POLA1: variants seen among roughly 807,000 people sequenced by gnomAD.
POLA1 encodes DNA polymerase alpha 1, catalytic subunit.
POLA1 carries 15 observed loss-of-function variants against 124.0 expected under a neutral mutation model. That is an observed-to-expected ratio of 0.12 (90% CI 0.08 to 0.19). The LOEUF is 0.19. Ranked by LOEUF, POLA1 falls within the 10% of genes least tolerant of loss-of-function variation. POLA1 has a pLI of 1.00. For synonymous variants in POLA1, 408 were observed against 389.4 expected (o/e 1.05, Z -0.56); for missense variants, 886 against 1,103.4 (o/e 0.80, Z 2.79).
chrX:24,867,977 C>A (rs2046816490), intron 34 of POLA1, among the ~76,000 whole-genome samples: 1 of 111,847 alleles, frequency 8.9e-6, no homozygotes, highest in Admixed American at 9.4e-5. Context: ...GTGTAAAAAT[C>A]TGCCCTGGAT....
At chrX:24,796,170 C>T (rs1174007562) in intron 26 of POLA1, among the ~76,000 whole-genome samples, 3 of 110,828 alleles carry the variant, frequency 2.7e-5, no homozygotes, top group African/African-American at 9.9e-5. Flanking sequence ...GATTGGTGTT[C>T]AGTCTCCCTG....
chrX:24,858,196 A>G (rs184180483), intron 34 of POLA1, among the ~76,000 whole-genome samples: 2 of 112,193 alleles, frequency 1.8e-5, no homozygotes, highest in Non-Finnish European at 3.8e-5. Context: ...CTTCAGATTT[A>G]TTGCTGACTC....
intron 32 of POLA1, among the ~76,000 whole-genome samples, chrX:24,839,816 A>G (rs1398619572): frequency 8.9e-6 from 1 of 112,325 alleles, no homozygotes; most frequent in Non-Finnish European, 1.9e-5. Context: ...CTGCTTTCTC[A>G]TAATTGCAAA....
chrX:24,833,535 C>G (rs1383919102), intron 32 of POLA1, among the ~76,000 whole-genome samples: 1 of 111,330 alleles, frequency 9.0e-6, no homozygotes, highest in African/African-American at 3.3e-5. Context: ...AAAGTGTTCC[C>G]TTTTTACCAC....
chrX:24,842,006 T>A, intron 33 of POLA1, 176 bp downstream of exon 33: 4 of 385,597 alleles, frequency 1.0e-5, no homozygotes, highest in Non-Finnish European at 1.8e-5. Context: ...TATTTCTGTT[T>A]GAAAACTCTT....
At chrX:24,877,158 G>T (rs2046945735) in intron 34 of POLA1, among the ~76,000 whole-genome samples, 1 of 111,857 alleles carries the variant, frequency 8.9e-6, no homozygotes, top group African/African-American at 3.2e-5. Flanking sequence ...GGGTTTGGGG[G>T]AGGGGGTGAG....
chrX:24,770,881 G>A (rs1004887600), intron 26 of POLA1, among the ~76,000 whole-genome samples: 1 of 110,783 alleles, frequency 9.0e-6, no homozygotes, highest in Non-Finnish European at 1.9e-5. Flanking sequence ...GATTTTTGGG[G>A]GGCAGGAACT....
At chrX:24,846,346 T>C (rs1488533866) in intron 34 of POLA1, among the ~76,000 whole-genome samples, 2 of 111,509 alleles carry the variant, frequency 1.8e-5, no homozygotes, top group Non-Finnish European at 3.8e-5. Context: ...GCCAGGATAT[T>C]TTAAGTAATA....
At chrX:24,812,152 G>A (rs2045912591) in intron 28 of POLA1, among the ~76,000 whole-genome samples, 1 of 112,523 alleles carries the variant, frequency 8.9e-6, no homozygotes, top group Non-Finnish European at 1.9e-5. Flanking sequence ...AGAAAGAGCA[G>A]AGGACTCTTT....
intron 34 of POLA1, among the ~76,000 whole-genome samples, chrX:24,858,044 A>ATTT (rs2046670411): frequency 1.8e-5 from 2 of 112,315 alleles, no homozygotes; most frequent in Admixed American, 1.9e-4. Context: ...TTGTGTACTT[A>ATTT]TAAATAAGAA....
At chrX:24,953,189 C>T (rs2048068225) in intron 36 of POLA1, among the ~76,000 whole-genome samples, 1 of 112,010 alleles carries the variant, frequency 8.9e-6, no homozygotes, top group Admixed American at 9.5e-5. Context: ...TAGCCCCTCC[C>T]GCCCTTCCTC....
At position 24,860,788 on chromosome X, in the gene POLA1, A is replaced by G. The variant is rs181620353; in HGVS notation, c.4047+17111A>G. Among the ~76,000 whole-genome samples, 3 of 112,179 alleles carry G rather than the reference A, an allele frequency of 2.7e-5. No individual in the cohort carries two copies. The East Asian group carries it at 8.4e-4, about 32-fold the overall frequency. Reference sequence around the variant, plus strand: ...GATAGAGTGAAATATAATTTGCAACACTTGGAACCTTGTAAAAGACAACCA... The same window carrying G: ...GATAGAGTGAAATATAATTTGCAACGCTTGGAACCTTGTAAAAGACAACCA... On this transcript the variant is annotated intron_variant, in intron 34 of 36. Transcript: ENST00000379068.
chrX:24,927,184 G>A (rs2047705901), intron 35 of POLA1, among the ~76,000 whole-genome samples: 1 of 110,174 alleles, frequency 9.1e-6, no homozygotes, highest in African/African-American at 3.3e-5. Flanking sequence ...TTGCAGCCAG[G>A]TAAGGGACCA....
In POLA1 at chrX:24,703,311, C is replaced by G; in HGVS notation, c.229C>G (p.Gln77Glu). The part of the protein sequence containing the change: ...VDEEQYSKLV[Q>E]ARQDDDWIVD... The stretch of plus-strand genomic sequence containing the variant: ...TGAAGAACAGTATTCGAAGCTGGTT[C>G]AGGCACGCCAGGATGATGACTGGAT... Residue 77 changes from glutamine to glutamate, a missense_variant, in exon 3 of 37, where the codon CAG becomes GAG. Physicochemically the swap from Gln to Glu is conservative, Grantham distance 29. Transcript: ENST00000379068. 1 of 1,203,751 alleles carries G rather than the reference C, an allele frequency of 8.3e-7. No individual in the cohort carries two copies. Among genetic ancestry groups the G allele is most frequent in the South Asian group, 1.8e-5 (1 of 56,414 alleles).
chrX:24,744,665 T>C (rs1931887321), intron 23 of POLA1: 2 of 314,488 alleles, frequency 6.4e-6, no homozygotes, highest in Non-Finnish European at 1.2e-5. Flanking sequence ...AAAGAATAAA[T>C]TACTCTACCA....
intron 25 of POLA1, among the ~76,000 whole-genome samples, 186 bp downstream of exon 25, chrX:24,748,646 C>A (rs749689845): frequency 1.2e-4 from 13 of 112,341 alleles, no homozygotes; most frequent in African/African-American, 4.2e-4. Context: ...TGTATCTGAG[C>A]AAGATACTTC....
chrX:24,809,908 A>T lies in POLA1; in HGVS notation c.2975A>T (p.His992Leu). 9.1e-7 allele frequency: 1 copy of T among 1,097,689 alleles called. No homozygotes were observed. The highest frequency in any genetic ancestry group is 1.2e-6 in the Non-Finnish European group (1 of 803,101). 90.5% of individuals were successfully genotyped at this position (1,097,689 alleles called of 1,213,427 possible). A position where few individuals can be genotyped will look rare whatever the true frequency, so the allele number is the denominator to read the frequency against. ...TTTTGTTTCATTTAGATTTTGATGC[A>T]TACGAAAGAGATGGTACAAAAGGTA... ...VTYKGREILM[H>L]TKEMVQKMNL... is the part of the protein sequence containing the mutation. Residue 992 changes from histidine to leucine, a missense_variant, in exon 27 of 37, where the codon CAT becomes CTT. His to Leu is a moderately conservative substitution (Grantham distance 99). Transcript: ENST00000379068.
intron 16 of POLA1, among the ~76,000 whole-genome samples, chrX:24,733,121 G>A (rs1931037772): frequency 8.9e-6 from 1 of 111,982 alleles, no homozygotes; most frequent in Non-Finnish European, 1.9e-5. Flanking sequence ...TTAACTTGGC[G>A]AGCCTCTCGT....
intron 34 of POLA1, among the ~76,000 whole-genome samples, chrX:24,877,492 A>G (rs2046950283): frequency 1.8e-5 from 2 of 111,720 alleles, no homozygotes; most frequent in Admixed American, 1.9e-4. Context: ...AGCTACTTAA[A>G]AAGGAGGCTG....
Sources: allele counts gnomAD v4.1 joint callset (sites outside exome capture counted in the v4.1 genomes callset), GRCh38; gene constraint gnomAD v4.1.1; transcripts MANE v1.5; gene names NCBI Gene and HGNC (gene_info 2026-07-23, HGNC 2026-07-21).